KCND3: variants seen among roughly 807,000 people sequenced by gnomAD.
KCND3 encodes potassium voltage-gated channel subfamily D member 3.
A neutral mutation model predicts 51.1 loss-of-function variants in KCND3; 9 were observed. The ratio of observed to expected loss-of-function variants is 0.18; its 90% confidence interval spans 0.11 to 0.31. The LOEUF (loss-of-function observed/expected upper bound fraction) is 0.31, where lower values mean the gene tolerates loss of function less well. KCND3 is among the 10% of genes least tolerant of loss of function. The pLI is 1.00. For missense variants in KCND3, 526 were observed against 903.8 expected, an observed-to-expected ratio of 0.58 and a Z score of 5.36; for synonymous variants, 349 against 368.0, an observed-to-expected ratio of 0.95 and a Z score of 0.59.
intron 2 of KCND3, among the ~76,000 whole-genome samples, chr1:111,799,214 A>G (rs202099351): frequency 1.3e-5 from 2 of 152,224 alleles, no homozygotes; most frequent in Non-Finnish European, 2.9e-5. Context: ...ATAAATCATA[A>G]AAAGCAAGCA....
intron 2 of KCND3, among the ~76,000 whole-genome samples, chr1:111,951,157 CAAAAAAAA>C (rs71081206): frequency 1.0e-2 from 306 of 30,620 alleles, no homozygotes; most frequent in Non-Finnish European, 0.018. Context: ...CAAACAAGAG[CAAAAAAAA>C]AAAAAAAAAA....
At chr1:111,922,754 T>G (rs1357374335) in intron 2 of KCND3, among the ~76,000 whole-genome samples, 1 of 152,244 alleles carries the variant, frequency 6.6e-6, no homozygotes, top group Admixed American at 6.5e-5. Flanking sequence ...GTTCTGCATC[T>G]AGCAATTAGC....
intron 2 of KCND3, among the ~76,000 whole-genome samples, chr1:111,970,163 C>T (rs1302077871): frequency 6.6e-6 from 1 of 152,060 alleles, no homozygotes; most frequent in Admixed American, 6.6e-5. Flanking sequence ...ATTACAGGCG[C>T]CTGTCACCAC....
intron 2 of KCND3, among the ~76,000 whole-genome samples, chr1:111,960,436 C>G (rs1673583362): frequency 6.6e-6 from 1 of 152,196 alleles, no homozygotes; most frequent in Admixed American, 6.5e-5. Context: ...ACAGGGTACA[C>G]CAAGGGGTGG....
At chr1:111,892,737 A>T (rs936111601) in intron 2 of KCND3, among the ~76,000 whole-genome samples, 2 of 152,262 alleles carry the variant, frequency 1.3e-5, no homozygotes, top group African/African-American at 4.8e-5. Context: ...AAGGTCTCTG[A>T]CAGTTAATTG....
intron 3 of KCND3, among the ~76,000 whole-genome samples, chr1:111,783,345 TCC>T (rs1317098688): frequency 6.6e-6 from 1 of 152,136 alleles, no homozygotes; most frequent in Non-Finnish European, 1.5e-5. Context: ...TCCCTGAATT[TCC>T]ACCATCAGAC....
intron 7 of KCND3, among the ~76,000 whole-genome samples, chr1:111,776,528 A>G (rs992785363): frequency 2.0e-5 from 3 of 152,208 alleles, no homozygotes; most frequent in South Asian, 2.1e-4. Flanking sequence ...TTGTATATCT[A>G]TCATTTGTGG....
At chr1:111,784,950 C>A (rs1343659373) in intron 3 of KCND3, among the ~76,000 whole-genome samples, 1 of 152,054 alleles carries the variant, frequency 6.6e-6, no homozygotes, top group Non-Finnish European at 1.5e-5. Flanking sequence ...GAGCTGGGAG[C>A]ACGCCTGTAA....
In KCND3 at chr1:111,781,923, A is replaced by G. The variant is rs746473145; in HGVS notation, c.1270-1132T>C. Among the ~76,000 whole-genome samples, 7 of 152,214 alleles carry G rather than the reference A, an allele frequency of 4.6e-5. 1 individual carries two copies. Among genetic ancestry groups the G allele is most frequent in the Admixed American group, 2.0e-4 (3 of 15,276 alleles). On this transcript the variant is annotated intron_variant, in intron 3 of 7. Coordinates refer to ENST00000302127, the MANE Select transcript of KCND3 (RefSeq NM_001378969.1). Reference sequence around the variant, plus strand: ...CTGAGAGAGGGAGAAGGGACTGGGTAGAGGTTTCTTGCTAGTTTAAAAAAA... The same window carrying G: ...CTGAGAGAGGGAGAAGGGACTGGGTGGAGGTTTCTTGCTAGTTTAAAAAAA...
chr1:111,906,214 C>T (rs535305926), intron 2 of KCND3, among the ~76,000 whole-genome samples: 2 of 152,308 alleles, frequency 1.3e-5, no homozygotes, highest in South Asian at 4.1e-4. Context: ...GAGATAGACA[C>T]ATAGAGCCTG....
At position 111,780,599 on chromosome 1, in the gene KCND3, G is replaced by C; in HGVS notation, c.1371+91C>G. 8.7e-7 allele frequency: 1 copy of C among 1,151,146 alleles called. No individual in the cohort carries two copies. The highest frequency in any genetic ancestry group is 1.3e-6 in the Non-Finnish European group (1 of 782,446). The allele number at this position is 1,151,146 out of a possible 1,614,324, so 71.3% of individuals were successfully genotyped here. On this transcript the variant is annotated intron_variant, in intron 4 of 7. Coordinates refer to ENST00000302127, the MANE Select transcript of KCND3 (RefSeq NM_001378969.1). The surrounding 1 kb of genome is among the most constrained non-coding windows in gnomAD (Gnocchi z 4.2). Reference sequence around the variant, plus strand: ...GTGTCCTCCTTGGGGTTCATACTGGGGCTCTGGTGAGAGTGCTGGTGTCCC... The same window carrying C: ...GTGTCCTCCTTGGGGTTCATACTGGCGCTCTGGTGAGAGTGCTGGTGTCCC...
intron 2 of KCND3, among the ~76,000 whole-genome samples, chr1:111,890,744 T>C (rs1413840579): frequency 2.0e-5 from 3 of 152,110 alleles, no homozygotes; most frequent in South Asian, 4.2e-4. Context: ...GACTGATAAA[T>C]AGTGAACAGC....
At chr1:111,814,560 C>A (rs1050425537) in intron 2 of KCND3, among the ~76,000 whole-genome samples, 1 of 152,252 alleles carries the variant, frequency 6.6e-6, no homozygotes, top group African/African-American at 2.4e-5. Context: ...CAGGGATTAA[C>A]TGAGCGATGA....
chr1:111,815,161 G>T (rs1666029852), intron 2 of KCND3, among the ~76,000 whole-genome samples: 1 of 152,060 alleles, frequency 6.6e-6, no homozygotes, highest in Admixed American at 6.5e-5. Context: ...TAGAATCTAT[G>T]GGGCATCCAG....
chr1:111,778,712 C>A lies in KCND3; in HGVS notation c.1462-220G>T, dbSNP rs1388857754. On this transcript the variant is annotated intron_variant, in intron 5 of 7. Transcript: ENST00000302127. ...ACCCCAACATTCATTCCTTCTATCCCAACATTCTGCCTCTCCTGTCCTGAC... is the reference window on the plus strand; with the variant it reads ...ACCCCAACATTCATTCCTTCTATCCAAACATTCTGCCTCTCCTGTCCTGAC... 2.6e-5 allele frequency among the ~76,000 whole-genome samples: 4 copies of A among 152,082 alleles called. No homozygotes were observed. In the East Asian group the frequency reaches 7.7e-4, roughly 29 times the overall value.
chr1:111,839,658 G>A (rs755892420), intron 2 of KCND3, among the ~76,000 whole-genome samples: 2 of 152,198 alleles, frequency 1.3e-5, no homozygotes, highest in African/African-American at 4.8e-5. Flanking sequence ...CAAATGTGCC[G>A]GCACTAGGCC....
intron 2 of KCND3, among the ~76,000 whole-genome samples, chr1:111,860,699 AG>A (rs1418939422): frequency 1.3e-5 from 2 of 152,234 alleles, no homozygotes; most frequent in Non-Finnish European, 2.9e-5. Context: ...CTGCCTCAGC[AG>A]GGAGGTGACC....
intron 2 of KCND3, among the ~76,000 whole-genome samples, chr1:111,794,771 A>G (rs1233079559): frequency 6.6e-6 from 1 of 152,224 alleles, no homozygotes; most frequent in East Asian, 1.9e-4. Context: ...TCATCCTGTG[A>G]CAAACACCTG....
At chr1:111,861,679 G>T (rs1482481552) in intron 2 of KCND3, among the ~76,000 whole-genome samples, 1 of 152,154 alleles carries the variant, frequency 6.6e-6, no homozygotes, top group African/African-American at 2.4e-5. Context: ...TTCCCAGCCT[G>T]GCAGAGCAGG....
Sources: gnomAD v4.1 joint callset for allele counts (sites outside exome capture counted in the v4.1 genomes callset) on GRCh38, gnomAD v4.1.1 for gene constraint, Gnocchi (gnomAD v3.1) non-coding constraint, MANE v1.5 for transcripts, NCBI Gene and HGNC (gene_info 2026-07-23, HGNC 2026-07-21) for gene names.